PAPPA: variants seen among roughly 807,000 people sequenced by gnomAD.
PAPPA encodes pappalysin 1.
PAPPA carries 60 observed loss-of-function variants against 164.0 expected under a neutral mutation model. The observed-to-expected ratio is 0.37, with a 90% confidence interval of 0.30 to 0.45. The LOEUF (loss-of-function observed/expected upper bound fraction) is 0.45. Among genes scored for constraint, PAPPA ranks in the 20% least tolerant of loss-of-function variants. PAPPA has a pLI of 1.00. For synonymous variants in PAPPA, 875 were observed against 814.1 expected (o/e 1.07, Z -1.27); for missense variants, 1,782 against 2,087.3 (o/e 0.85, Z 2.85).
chr9:116,166,524 T>C (rs1249349455), intron 1 of PAPPA, among the ~76,000 whole-genome samples: 1 of 152,208 alleles, frequency 6.6e-6, no homozygotes, highest in Non-Finnish European at 1.5e-5. Context: ...TTCCTTGATT[T>C]TCCTTGATCT....
At chr9:116,232,963 C>T (rs1042676395) in intron 6 of PAPPA, among the ~76,000 whole-genome samples, 30 of 152,176 alleles carry the variant, frequency 2.0e-4, no homozygotes, top group African/African-American at 7.2e-4. Context: ...CCACCCCTGA[C>T]AGTCATTTTC....
intron 1 of PAPPA, among the ~76,000 whole-genome samples, chr9:116,156,288 GTA>G (rs746026327): frequency 5.0e-4 from 71 of 141,778 alleles, no homozygotes; most frequent in South Asian, 3.6e-3. Flanking sequence ...GTGTGTGTGT[GTA>G]TATATATATA....
chr9:116,156,641 C>A (rs1843608624), intron 1 of PAPPA, among the ~76,000 whole-genome samples: 2 of 151,816 alleles, frequency 1.3e-5, no homozygotes, highest in Admixed American at 1.3e-4. Context: ...AGGAGCTTTT[C>A]CCCTGAGGAT....
intron 5 of PAPPA, among the ~76,000 whole-genome samples, chr9:116,223,100 C>T (rs907680835): frequency 3.9e-5 from 6 of 152,116 alleles, no homozygotes; most frequent in African/African-American, 1.4e-4. Flanking sequence ...TGGTAGCTGG[C>T]GAATGTGATC....
At chr9:116,205,009 A>T (rs1313930832) in intron 2 of PAPPA, among the ~76,000 whole-genome samples, 2 of 151,748 alleles carry the variant, frequency 1.3e-5, no homozygotes, top group African/African-American at 4.8e-5. Context: ...CTGGCTCTGT[A>T]TTAGTGGGAA....
At chr9:116,332,564 C>T in intron 12 of PAPPA, 96 bp downstream of exon 12, 1 of 1,101,470 alleles carries the variant, frequency 9.1e-7, no homozygotes. Flanking sequence ...TGAGCTCTTC[C>T]TTCCTTTTTC....
At chr9:116,365,013 T>G (rs1846481048) in intron 18 of PAPPA, among the ~76,000 whole-genome samples, 1 of 151,978 alleles carries the variant, frequency 6.6e-6, no homozygotes. Context: ...AGGGTGAGAA[T>G]GAGAAACAAG....
At chr9:116,378,983 A>T (rs1846691394) in intron 20 of PAPPA, among the ~76,000 whole-genome samples, 1 of 152,216 alleles carries the variant, frequency 6.6e-6, no homozygotes, top group Non-Finnish European at 1.5e-5. Context: ...ATCAAAGCCA[A>T]GGCCCTGTGG....
chr9:116,344,232 G>A (rs1332839578), intron 13 of PAPPA, among the ~76,000 whole-genome samples: 3 of 152,194 alleles, frequency 2.0e-5, no homozygotes, highest in African/African-American at 7.2e-5. Flanking sequence ...AATATTCACT[G>A]TAATCATGAT....
At chr9:116,228,716 C>T (rs2118726668) in intron 6 of PAPPA, among the ~76,000 whole-genome samples, 1 of 152,282 alleles carries the variant, frequency 6.6e-6, no homozygotes, top group East Asian at 1.9e-4. Context: ...GCTGTCAGAC[C>T]TGAGAGGGAT....
intron 6 of PAPPA, 112 bp from the exon 7 acceptor site, chr9:116,235,027 C>A: frequency 8.5e-7 from 1 of 1,181,596 alleles, no homozygotes; most frequent in Non-Finnish European, 1.2e-6. Context: ...TCTCCTTTTC[C>A]CCTCTGTCTA....
chr9:116,227,306 G>A, intron 5 of PAPPA, 125 bp from the exon 6 acceptor site: 1 of 988,004 alleles, frequency 1.0e-6, no homozygotes, highest in Non-Finnish European at 1.5e-6. Context: ...GGCATATGTA[G>A]GCAGGAAAGG....
chr9:116,325,571 C>T (rs1460868622), intron 10 of PAPPA, among the ~76,000 whole-genome samples: 1 of 152,134 alleles, frequency 6.6e-6, no homozygotes, highest in Non-Finnish European at 1.5e-5. Flanking sequence ...TGAGTGCCCC[C>T]CGCCCCCAAG....
At chr9:116,284,047 A>G (rs1845300433) in intron 9 of PAPPA, among the ~76,000 whole-genome samples, 2 of 152,222 alleles carry the variant, frequency 1.3e-5, no homozygotes, top group South Asian at 4.1e-4. Flanking sequence ...TTATTCATTC[A>G]TCACATAGGC....
At chr9:116,243,668 C>G (rs1036751382) in intron 7 of PAPPA, among the ~76,000 whole-genome samples, 2 of 152,076 alleles carry the variant, frequency 1.3e-5, no homozygotes, top group Non-Finnish European at 2.9e-5. Flanking sequence ...AAAATTAGAT[C>G]TTCTTATTTC....
intron 1 of PAPPA, among the ~76,000 whole-genome samples, chr9:116,186,061 C>T (rs1843965648): frequency 6.6e-6 from 1 of 152,058 alleles, no homozygotes; most frequent in African/African-American, 2.4e-5. Flanking sequence ...ATGTCACCAC[C>T]TTAGGGATAT....
intron 2 of PAPPA, among the ~76,000 whole-genome samples, chr9:116,197,702 C>T (rs1844124496): frequency 6.6e-6 from 1 of 152,178 alleles, no homozygotes; most frequent in Admixed American, 6.5e-5. Context: ...GGAGAAGTTA[C>T]TAGACTTATT....
chr9:116,255,457 A>G (rs955570789), intron 7 of PAPPA, among the ~76,000 whole-genome samples: 1 of 152,088 alleles, frequency 6.6e-6, no homozygotes, highest in African/African-American at 2.4e-5. Flanking sequence ...TCTAGATAAA[A>G]TATTACAGAT....
intron 17 of PAPPA, among the ~76,000 whole-genome samples, chr9:116,358,436 A>G (rs1846381304): frequency 1.3e-5 from 2 of 152,234 alleles, no homozygotes; most frequent in Admixed American, 6.5e-5. Context: ...TGAGATGAGC[A>G]CGTTAGATTG....
Sources: gnomAD v4.1 joint callset for allele counts (sites outside exome capture counted in the v4.1 genomes callset) on GRCh38, gnomAD v4.1.1 for gene constraint, MANE v1.5 for transcripts, NCBI Gene and HGNC (gene_info 2026-07-23, HGNC 2026-07-21) for gene names.